The following PCDH15 variants were observed in gnomAD, a reference collection of about 807,000 sequenced individuals.
The protein encoded by PCDH15 is protocadherin related 15.
In PCDH15, 129 loss-of-function variants were observed where a neutral mutation model predicts 178.5. The ratio of observed to expected loss-of-function variants is 0.72; its 90% CI spans 0.63 to 0.84. The LOEUF (loss-of-function observed/expected upper bound fraction) is 0.84, where lower values mean the gene tolerates loss of function less well. Ranked by LOEUF, PCDH15 falls within the 40% of genes least tolerant of loss-of-function variation. PCDH15 has a pLI of 0.00. For missense variants in PCDH15, 2,230 were observed against 2,099.9 expected (o/e 1.06, Z -1.21); for synonymous variants, 800 against 732.0 (o/e 1.09, Z -1.50).
intron 11 of PCDH15, among the ~76,000 whole-genome samples, chr10:54,191,027 G>A (rs946459332): frequency 6.6e-6 from 1 of 152,074 alleles, no homozygotes; most frequent in South Asian, 2.1e-4. Context: ...TTCAAACATG[G>A]GATAGGCCAT....
intron 1 of PCDH15, among the ~76,000 whole-genome samples, chr10:54,725,844 A>C (rs1942416542): frequency 6.6e-6 from 1 of 151,436 alleles, no homozygotes; most frequent in Admixed American, 6.6e-5. Flanking sequence ...ATTCTTGGGA[A>C]ACTGTTTTCT....
At chr10:54,598,301 G>A (rs1405286351) in intron 2 of PCDH15, among the ~76,000 whole-genome samples, 1 of 152,022 alleles carries the variant, frequency 6.6e-6, no homozygotes, top group Non-Finnish European at 1.5e-5. Flanking sequence ...TTATCCCTGG[G>A]ATGCAAGGTT....
intron 3 of PCDH15, among the ~76,000 whole-genome samples, chr10:54,383,629 T>TTGTGTGTGTG (rs71461236): frequency 1.0e-4 from 12 of 117,588 alleles, no homozygotes; most frequent in African/African-American, 3.6e-4. Flanking sequence ...ATGTGTGTTT[T>TTGTGTGTGTG]TGTGTGTGTG....
chr10:54,577,889 A>T (rs183304410), intron 2 of PCDH15, among the ~76,000 whole-genome samples: 10 of 96,210 alleles, frequency 1.0e-4, no homozygotes, highest in African/African-American at 2.9e-4. Context: ...TAAATAAATA[A>T]ATAAATATTC....
At chr10:54,830,744 A>T (rs1013481201) in intron 3 of PCDH15, among the ~76,000 whole-genome samples, 5 of 152,070 alleles carry the variant, frequency 3.3e-5, no homozygotes, top group Non-Finnish European at 5.9e-5. Context: ...TAATAATTAA[A>T]AAAAAAGGAA....
At chr10:55,327,427 G>C (rs894438595) in intron 2 of PCDH15, among the ~76,000 whole-genome samples, 3 of 152,054 alleles carry the variant, frequency 2.0e-5, no homozygotes, top group African/African-American at 7.2e-5. Context: ...GAAAAGGAAA[G>C]AAGAACTGAA....
chr10:55,001,456 C>T (rs888229972), intron 2 of PCDH15, among the ~76,000 whole-genome samples: 21 of 152,280 alleles, frequency 1.4e-4, no homozygotes, highest in African/African-American at 4.8e-4. Context: ...CTAGGGGCTC[C>T]CCAAGGCGGG....
chr10:53,993,725 C>T (rs906823335), intron 21 of PCDH15, among the ~76,000 whole-genome samples: 4 of 152,046 alleles, frequency 2.6e-5, no homozygotes, highest in Non-Finnish European at 5.9e-5. Context: ...ACTTAGGATT[C>T]GTGTAGGTGC....
intron 2 of PCDH15, among the ~76,000 whole-genome samples, chr10:55,107,125 G>GT (rs1837369644): frequency 2.0e-5 from 3 of 152,180 alleles, no homozygotes. Context: ...AAATATATGA[G>GT]TGCATCCAGA....
At chr10:54,544,280 G>T (rs2133043821) in intron 2 of PCDH15, among the ~76,000 whole-genome samples, 1 of 152,250 alleles carries the variant, frequency 6.6e-6, no homozygotes, top group Non-Finnish European at 1.5e-5. Flanking sequence ...TGGCCATAAG[G>T]ATAAAAACAC....
chr10:55,301,848 C>G lies in PCDH15; in HGVS notation c.-156+17751G>C, dbSNP rs541365798. 3.3e-5 allele frequency among the ~76,000 whole-genome samples: 5 copies of G among 152,210 alleles called. No individual in the cohort carries two copies. The South Asian group carries it at 1.0e-3, about 32-fold the overall frequency. Reference sequence around the variant, plus strand: ...CAGCAAAATTTATTAAAAAGGCTATCTTTCCTACATTGAATTGCTTTTGCA... The same window carrying G: ...CAGCAAAATTTATTAAAAAGGCTATGTTTCCTACATTGAATTGCTTTTGCA... On this transcript the variant is annotated intron_variant, in intron 1 of 5. Coordinates refer to the PCDH15 transcript ENST00000458638.
chr10:54,332,060 G>A (rs928915744), intron 6 of PCDH15, among the ~76,000 whole-genome samples: 2 of 150,402 alleles, frequency 1.3e-5, no homozygotes, highest in African/African-American at 4.9e-5. Flanking sequence ...ATTAATTACG[G>A]AGAAATAGCT....
At chr10:54,381,037 A>G (rs1162528169) in intron 3 of PCDH15, among the ~76,000 whole-genome samples, 12 of 151,712 alleles carry the variant, frequency 7.9e-5, no homozygotes, top group African/African-American at 2.7e-4. Context: ...TTTCCCCTTT[A>G]GAATTGTCCA....
At chr10:54,707,198 C>G (rs2095373705) in intron 1 of PCDH15, among the ~76,000 whole-genome samples, 1 of 152,020 alleles carries the variant, frequency 6.6e-6, no homozygotes, top group South Asian at 2.1e-4. Context: ...TGATCAGCCC[C>G]AAAGAAGGGT....
At chr10:55,108,621 A>C (rs1837418838) in intron 2 of PCDH15, among the ~76,000 whole-genome samples, 1 of 152,150 alleles carries the variant, frequency 6.6e-6, no homozygotes, top group South Asian at 2.1e-4. Flanking sequence ...TTATGATATC[A>C]AAATATAAAC....
rs71007859 is a variant in PCDH15 at position 54,442,414 on chromosome 10, CTATATATATATA to C, written c.158-63484_158-63473del. On this transcript the variant is annotated intron_variant, in intron 3 of 37. Coordinates refer to ENST00000644397, the MANE Select transcript of PCDH15 (RefSeq NM_001384140.1). Reference sequence around the variant, plus strand: ...TTAAAAAAAAAAAAGGCCTTAAAGGCTATATATATATATATATATATATATATATATATATAT... The same window carrying C: ...TTAAAAAAAAAAAAGGCCTTAAAGGCTATATATATATATATATATATATAT... 6.8e-3 allele frequency among the ~76,000 whole-genome samples: 130 copies of C among 19,190 alleles called. 8 individuals carry two copies. In the East Asian group the frequency reaches 0.2, roughly 29 times the overall value. The allele number at this position is 19,190 out of a possible 152,430, so 12.6% of individuals were successfully genotyped here.
At chr10:53,851,985 C>A (rs2078411252) in intron 28 of PCDH15, among the ~76,000 whole-genome samples, 1 of 151,820 alleles carries the variant, frequency 6.6e-6, no homozygotes, top group African/African-American at 2.4e-5. Flanking sequence ...TGGGTTTGAG[C>A]AACTCTGAGA....
intron 2 of PCDH15, among the ~76,000 whole-genome samples, chr10:55,494,249 C>A (rs994049277): frequency 6.6e-6 from 1 of 151,640 alleles, no homozygotes; most frequent in Admixed American, 6.6e-5. Flanking sequence ...ATAATTGTTT[C>A]TTTATTTTAT....
intron 25 of PCDH15, among the ~76,000 whole-genome samples, chr10:53,906,419 ATATTCT>A (rs1354274384): frequency 6.6e-6 from 1 of 152,120 alleles, no homozygotes; most frequent in Non-Finnish European, 1.5e-5. Context: ...TTAGATTTCA[ATATTCT>A]TAAAGATGGA....
Sources: allele counts gnomAD v4.1 joint callset (sites outside exome capture counted in the v4.1 genomes callset), GRCh38; gene constraint gnomAD v4.1.1; transcripts MANE v1.5; gene names NCBI Gene and HGNC (gene_info 2026-07-23, HGNC 2026-07-21).